MX1: variants seen among roughly 807,000 people sequenced by gnomAD.
The protein encoded by MX1 is MX dynamin like GTPase 1.
MX1 carries 66 observed loss-of-function variants against 66.4 expected under a neutral mutation model. The observed-to-expected ratio is 0.99, with a 90% CI of 0.82 to 1.22. The LOEUF (loss-of-function observed/expected upper bound fraction) is 1.22. MX1 is among the 50% of genes most tolerant of loss of function. The pLI is 0.00. For missense variants in MX1, 787 were observed against 834.3 expected (o/e 0.94, Z 0.70); for synonymous variants, 311 against 318.1 (o/e 0.98, Z 0.24).
chr21:41,435,388 C>G (rs2090331204), intron 5 of MX1, among the ~76,000 whole-genome samples: 1 of 152,096 alleles, frequency 6.6e-6, no homozygotes, highest in Non-Finnish European at 1.5e-5. Flanking sequence ...TTCCAGTAAC[C>G]TGTGTATTAG....
chr21:41,443,713 T>TC, intron 10 of MX1, 75 bp from the exon 11 acceptor site: 1 of 1,457,832 alleles, frequency 6.9e-7, no homozygotes, highest in Non-Finnish European at 9.6e-7. Flanking sequence ...GCCTTGACTT[T>TC]CCCCAACAGC....
intron 10 of MX1, chr21:41,443,537 C>T: frequency 1.9e-6 from 1 of 514,808 alleles, no homozygotes; most frequent in South Asian, 2.4e-5. Flanking sequence ...TATAGTCAGA[C>T]ACCATGATAC....
intron 14 of MX1, 23 bp downstream of exon 14, chr21:41,449,318 G>A (rs1430974699): frequency 1.3e-6 from 2 of 1,590,618 alleles, no homozygotes; most frequent in Non-Finnish European, 1.7e-6. Flanking sequence ...TTTCACCTCT[G>A]AGCATTGATT....
At chr21:41,452,281 G>C (rs1012927813) in intron 15 of MX1, among the ~76,000 whole-genome samples, 8 of 152,194 alleles carry the variant, frequency 5.3e-5, no homozygotes, top group African/African-American at 1.9e-4. Context: ...TGGATTATCT[G>C]ATGGATATGA....
At chr21:41,421,357 T>A (rs2089991587), upstream of MX1, 1 of 152,238 alleles carries the variant, frequency 6.6e-6, no homozygotes, top group Non-Finnish European at 1.5e-5. Context: ...GCCTTCCTCT[T>A]GTCTCAACTG....
At chr21:41,432,255 AC>A in intron 5 of MX1, 80 bp downstream of exon 5, 1 of 1,273,174 alleles carries the variant, frequency 7.9e-7, no homozygotes, top group Non-Finnish European at 1.1e-6. Flanking sequence ...CAGCGGTGCT[AC>A]TGCTGCCCAG....
In MX1 at chr21:41,441,849, C is replaced by A. The variant is rs2090524671; in HGVS notation, c.864C>A (p.Asp288Glu). ...VKCRGQQEIQDQLSLSEALQR... is the reference protein window; with the variant it reads ...VKCRGQQEIQEQLSLSEALQR... ...GCCGGGGCCAGCAGGAGATCCAGGA[C>A]CAGCTGAGCCTGTCCGAAGCCCTGC... The change falls in exon 10 of 17, where the codon GAC becomes GAA. Residue 288 changes from aspartate to glutamate, a missense_variant. Asp to Glu is a conservative substitution (Grantham distance 45, BLOSUM62 2). Coordinates refer to ENST00000398598, the MANE Select transcript of MX1 (RefSeq NM_002462.5). The surrounding 1 kb of genome is among the most constrained non-coding windows in gnomAD (Gnocchi z 4.0). The A allele has an allele frequency of 6.2e-7, 1 of 1,614,054 alleles. No individual in the cohort carries two copies. Among genetic ancestry groups the A allele is most frequent in the Non-Finnish European group, 8.5e-7 (1 of 1,180,042 alleles).
chr21:41,440,442 G>A (rs1338965462), intron 8 of MX1, among the ~76,000 whole-genome samples: 3 of 152,230 alleles, frequency 2.0e-5, no homozygotes, highest in African/African-American at 7.2e-5. Context: ...TTGTGCCACT[G>A]CACTCCAGCC....
At chr21:41,442,236 G>A (rs2090542685) in intron 10 of MX1, among the ~76,000 whole-genome samples, 1 of 151,812 alleles carries the variant, frequency 6.6e-6, no homozygotes, top group Admixed American at 6.6e-5. Flanking sequence ...GAAGAGAATA[G>A]GAAAAAAGTA....
At chr21:41,434,249 G>A (rs536467626) in intron 5 of MX1, among the ~76,000 whole-genome samples, 7 of 152,304 alleles carry the variant, frequency 4.6e-5, no homozygotes, top group Middle Eastern at 3.4e-3. Flanking sequence ...TAGGAAAATT[G>A]CACCCAGCTG....
At chr21:41,430,464 T>C (rs984117389) in intron 3 of MX1, 69 bp from the exon 4 acceptor site, 2 of 136,540 alleles carry the variant, frequency 1.5e-5, no homozygotes, top group Non-Finnish European at 1.6e-5. Flanking sequence ...GGAATGGGAC[T>C]GGGTGGGTGG....
At chr21:41,433,349 C>T (rs79351730) in intron 5 of MX1, among the ~76,000 whole-genome samples, 124 of 152,312 alleles carry the variant, frequency 8.1e-4, no homozygotes, top group African/African-American at 2.8e-3. Flanking sequence ...TGCACATCCC[C>T]CTGGGAGCCA....
chr21:41,432,758 A>G (rs993976673), intron 5 of MX1, among the ~76,000 whole-genome samples: 2 of 152,214 alleles, frequency 1.3e-5, no homozygotes, highest in Non-Finnish European at 2.9e-5. Context: ...GGCTGAGAGC[A>G]AAGTGCAGGG....
chr21:41,440,165 G>A (rs185056980), intron 8 of MX1, among the ~76,000 whole-genome samples: 7 of 152,298 alleles, frequency 4.6e-5, no homozygotes, highest in Admixed American at 4.6e-4. Flanking sequence ...AAAGTGCTGT[G>A]TATTAGGAAG....
At position 41,432,186 on chromosome 21, in the gene MX1, C is replaced by T. The variant is rs1321837498; in HGVS notation, c.105+11C>T. On this transcript the variant is annotated intron_variant, in intron 5 of 16. Coordinates refer to ENST00000398598, the MANE Select transcript of MX1 (RefSeq NM_002462.5). ...AAAAATCCAGGCTCGGTAAGTTGCT[C>T]TCTGAAAGTCGCTATCCATGTGACA... 3.1e-6 allele frequency: 5 copies of T among 1,612,612 alleles called. No individual in the cohort carries two copies. Among genetic ancestry groups the T allele is most frequent in the Non-Finnish European group, 4.2e-6 (5 of 1,179,104 alleles).
chr21:41,456,984 A>G (rs2090975808), intron 16 of MX1, among the ~76,000 whole-genome samples: 1 of 152,076 alleles, frequency 6.6e-6, no homozygotes, highest in Non-Finnish European at 1.5e-5. Flanking sequence ...CTGGTCTTGA[A>G]CGCCTGACCA....
chr21:41,451,696 G>A (rs13050726), intron 15 of MX1, among the ~76,000 whole-genome samples: 76,853 of 151,736 alleles, frequency 0.51, 20,805 homozygotes, highest in African/African-American at 0.71. Flanking sequence ...GTAGCTGGAC[G>A]TGGTGGTGCA....
intron 8 of MX1, 47 bp downstream of exon 8, chr21:41,439,895 GGGAGTGGAGGGGTGGGA>G: frequency 6.5e-7 from 1 of 1,539,486 alleles, no homozygotes; most frequent in Non-Finnish European, 8.9e-7. Context: ...GTGGGGATGG[GGGAGTGGAGGGGTGGGA>G]GGAGAAAGAG....
chr21:41,451,848 AAAAC>A (rs2090838724), intron 15 of MX1, among the ~76,000 whole-genome samples: 3 of 146,546 alleles, frequency 2.0e-5, no homozygotes, highest in Non-Finnish European at 3.0e-5. Context: ...AAAAAAAAAA[AAAAC>A]AAACAAAAAA....
Sources: allele counts gnomAD v4.1 joint callset (sites outside exome capture counted in the v4.1 genomes callset), GRCh38; gene constraint gnomAD v4.1.1; non-coding constraint Gnocchi (gnomAD v3.1); transcripts MANE v1.5; gene names NCBI Gene and HGNC (gene_info 2026-07-23, HGNC 2026-07-21).